GFRAL: variants seen among roughly 807,000 people sequenced by gnomAD.
The protein encoded by GFRAL is GDNF family receptor alpha-like.
GFRAL carries 36 observed loss-of-function variants against 45.4 expected under a neutral mutation model. That is an observed-to-expected ratio of 0.79 (90% confidence interval 0.61 to 1.05). The LOEUF is 1.05. Ranked by LOEUF, GFRAL falls within the 50% of genes least tolerant of loss-of-function variation. GFRAL has a pLI of 0.00. For synonymous variants in GFRAL, 166 were observed against 154.1 expected, an observed-to-expected ratio of 1.08 and a Z score of -0.57; for missense variants, 507 against 467.5, an observed-to-expected ratio of 1.08 and a Z score of -0.78.
chr6:55,367,784 G>T (rs1426741646), intron 6 of GFRAL, among the ~76,000 whole-genome samples: 1 of 152,008 alleles, frequency 6.6e-6, no homozygotes, highest in Non-Finnish European at 1.5e-5. Flanking sequence ...CTCTCTTCTG[G>T]CTTGTAGGGT....
At chr6:55,365,805 G>C (rs1028231676) in intron 6 of GFRAL, among the ~76,000 whole-genome samples, 29 of 150,340 alleles carry the variant, frequency 1.9e-4, no homozygotes, top group Non-Finnish European at 2.1e-4. Flanking sequence ...TGATCATGGT[G>C]GATAAGCTTT....
intron 6 of GFRAL, among the ~76,000 whole-genome samples, chr6:55,381,278 C>G (rs1399027300): frequency 1.3e-5 from 2 of 151,832 alleles, no homozygotes; most frequent in Non-Finnish European, 2.9e-5. Flanking sequence ...TGTATATAGT[C>G]TTTTTCAAGA....
rs766778175 is a variant in GFRAL, at chr6:55,401,865, T to A, written c.*12T>A. On this transcript the variant is annotated 3_prime_UTR_variant, in exon 9 of 9. Transcript: ENST00000340465. ...CTGGAGAACTCTGATTCATTAGGAG[T>A]CATGGACCTATAACAATCACTCTTT... 5 of 1,388,352 alleles carry A rather than the reference T, an allele frequency of 3.6e-6. No individual in the cohort carries two copies. Among genetic ancestry groups the A allele is most frequent in the Non-Finnish European group, 5.1e-6 (5 of 974,088 alleles). The allele number at this position is 1,388,352 out of a possible 1,614,324, so 86.0% of individuals were successfully genotyped here. A position where few individuals can be genotyped will look rare whatever the true frequency, so the allele number is the denominator to read the frequency against.
intron 6 of GFRAL, among the ~76,000 whole-genome samples, chr6:55,372,238 TC>T (rs1768460804): frequency 6.6e-6 from 1 of 152,202 alleles, no homozygotes; most frequent in Non-Finnish European, 1.5e-5. Context: ...GTTTCAAGAC[TC>T]AGCTGTAGAT....
At chr6:55,346,830 ATC>A (rs35129888) in intron 3 of GFRAL, among the ~76,000 whole-genome samples, 1,624 of 60,720 alleles carry the variant, frequency 0.027, 30 homozygotes, top group Non-Finnish European at 0.051. Context: ...TAAACAAGAA[ATC>A]CCCCCCCCCC....
chr6:55,369,043 G>GGCT (rs1363763602), intron 6 of GFRAL, among the ~76,000 whole-genome samples: 1 of 150,224 alleles, frequency 6.7e-6, no homozygotes, highest in Non-Finnish European at 1.5e-5. Context: ...ACCCCAGCCT[G>GGCT]GCTGCTGCCT....
intron 3 of GFRAL, among the ~76,000 whole-genome samples, chr6:55,338,843 T>A (rs1018973113): frequency 6.6e-6 from 1 of 152,214 alleles, no homozygotes; most frequent in African/African-American, 2.4e-5. Flanking sequence ...GGAGGAAGGC[T>A]GAACTTACAT....
intron 5 of GFRAL, among the ~76,000 whole-genome samples, chr6:55,353,170 G>A (rs1428999291): frequency 6.6e-6 from 1 of 151,992 alleles, no homozygotes; most frequent in African/African-American, 2.4e-5. Flanking sequence ...AGGGCTTGAA[G>A]GACACTGCCT....
At chr6:55,365,330 A>T (rs1768345388) in intron 6 of GFRAL, among the ~76,000 whole-genome samples, 1 of 141,110 alleles carries the variant, frequency 7.1e-6, no homozygotes, top group Admixed American at 7.1e-5. Flanking sequence ...CAGCTTAAGA[A>T]GATTTTGGGC....
chr6:55,364,800 C>A (rs12182102), intron 6 of GFRAL, among the ~76,000 whole-genome samples: 16,806 of 151,348 alleles, frequency 0.11, 980 homozygotes, highest in African/African-American at 0.16. Context: ...TGATCTATAT[C>A]TCTGTTTTGG....
rs70986715 is a variant in GFRAL, at chr6:55,397,524, CAAA to C, written c.953-1632_953-1630del. On this transcript the variant is annotated intron_variant, in intron 6 of 8. Transcript: ENST00000340465. Reference sequence around the variant, plus strand: ...TGGGCGACAGAGCGAGACTCCGTCTCAAAAAAAAAAAAAAAAAAAAAAAAAATG... The same window carrying C: ...TGGGCGACAGAGCGAGACTCCGTCTCAAAAAAAAAAAAAAAAAAAAAAATG... Among the ~76,000 whole-genome samples the C allele has an allele frequency of 4.8e-3, 323 of 67,406 alleles. 1 individual carries two copies. Among genetic ancestry groups the C allele is most frequent in the African/African-American group, 0.014 (260 of 18,238 alleles). The allele number at this position is 67,406 out of a possible 152,430, so 44.2% of individuals were successfully genotyped here.
chr6:55,344,903 A>G (rs1301907135), intron 3 of GFRAL, among the ~76,000 whole-genome samples: 1 of 152,212 alleles, frequency 6.6e-6, no homozygotes, highest in Non-Finnish European at 1.5e-5. Flanking sequence ...AATAATAGAC[A>G]AACAGAGAGC....
chr6:55,364,170 G>T (rs1030441842), intron 6 of GFRAL, among the ~76,000 whole-genome samples: 4 of 150,982 alleles, frequency 2.6e-5, no homozygotes, highest in African/African-American at 4.9e-5. Context: ...GTTTTGATTT[G>T]CATTTCTCTG....
intron 3 of GFRAL, among the ~76,000 whole-genome samples, chr6:55,347,075 G>A (rs778725743): frequency 2.9e-4 from 44 of 151,944 alleles, no homozygotes; most frequent in Non-Finnish European, 5.3e-4. Context: ...AGAGAATCAC[G>A]GGAAAGTAAA....
chr6:55,360,741 AATGGCTC>A (rs1178942045), intron 6 of GFRAL, among the ~76,000 whole-genome samples: 3 of 151,982 alleles, frequency 2.0e-5, no homozygotes, highest in Non-Finnish European at 4.4e-5. Context: ...ACTTATAATG[AATGGCTC>A]ATATGATTAC....
chr6:55,334,857 CAT>C (rs890020030), intron 3 of GFRAL, among the ~76,000 whole-genome samples: 1 of 152,136 alleles, frequency 6.6e-6, no homozygotes, highest in Non-Finnish European at 1.5e-5. Flanking sequence ...TAATTTTTCT[CAT>C]GTGTAAGTTT....
intron 6 of GFRAL, among the ~76,000 whole-genome samples, chr6:55,387,799 C>G (rs147635813): frequency 6.6e-6 from 1 of 152,106 alleles, no homozygotes. Context: ...ATCTCTCAGG[C>G]TAAAAGTTGC....
chr6:55,373,649 A>T (rs1768482778), intron 6 of GFRAL, among the ~76,000 whole-genome samples: 1 of 152,046 alleles, frequency 6.6e-6, no homozygotes, highest in Non-Finnish European at 1.5e-5. Flanking sequence ...ATAAGGTAAT[A>T]CTCTTAATCT....
chr6:55,347,823 A>G (rs1768063585), intron 3 of GFRAL, among the ~76,000 whole-genome samples: 1 of 151,996 alleles, frequency 6.6e-6, no homozygotes, highest in Admixed American at 6.6e-5. Context: ...TCTTTTGAGC[A>G]TCTTCTTTTG....
Sources: gnomAD v4.1 joint callset for allele counts (sites outside exome capture counted in the v4.1 genomes callset) on GRCh38, gnomAD v4.1.1 for gene constraint, MANE v1.5 for transcripts, NCBI Gene and HGNC (gene_info 2026-07-23, HGNC 2026-07-21) for gene names.